EPHA3: variants seen among roughly 807,000 people sequenced by gnomAD.
EPHA3 encodes the protein EPH receptor A3, also known as ephrin type-A receptor 3.
A neutral mutation model predicts 107.1 loss-of-function variants in EPHA3; 42 were observed. That is an observed-to-expected ratio of 0.39 (90% CI 0.31 to 0.51). The LOEUF (loss-of-function observed/expected upper bound fraction) is 0.51. EPHA3 is among the 20% of genes least tolerant of loss of function. The pLI is 0.78. For missense variants in EPHA3, 1,183 were observed against 1,211.2 expected, an observed-to-expected ratio of 0.98 and a Z score of 0.35; for synonymous variants, 461 against 424.8, an observed-to-expected ratio of 1.09 and a Z score of -1.05.
intron 5 of EPHA3, among the ~76,000 whole-genome samples, chr3:89,345,231 G>A (rs1283953767): frequency 1.3e-5 from 2 of 151,252 alleles, no homozygotes; most frequent in African/African-American, 4.8e-5. Context: ...TGGCCTTGGG[G>A]TTTGGAGGTC....
At chr3:89,177,642 T>G (rs1447547523) in intron 2 of EPHA3, among the ~76,000 whole-genome samples, 3 of 152,206 alleles carry the variant, frequency 2.0e-5, no homozygotes, top group Admixed American at 1.3e-4. Context: ...CCACTCAAAT[T>G]GCCAGAAAAT....
rs752119882 is a variant in EPHA3 at position 89,472,624 on chromosome 3, G to GA, written c.2846+14dup. 1.9e-4 allele frequency: 305 copies of GA among 1,578,186 alleles called. No homozygotes were observed. Among genetic ancestry groups the GA allele is most frequent in the Middle Eastern group, 8.5e-4 (5 of 5,906 alleles). ...AATAGCCAAGATTTCCACAGAGTAA[G>GA]AAAAAAAAATTCATTAAGAAGAATG... is the stretch of plus-strand genomic sequence containing the variant. On this transcript the variant is annotated splice_donor_region_variant and intron_variant, in intron 16 of 16. Coordinates refer to ENST00000336596, the MANE Select transcript of EPHA3 (RefSeq NM_005233.6).
chr3:89,129,852 C>G (rs1245498434), intron 2 of EPHA3, among the ~76,000 whole-genome samples: 7 of 151,836 alleles, frequency 4.6e-5, no homozygotes, highest in South Asian at 2.1e-4. Context: ...AAAAAAAAGA[C>G]AAGTAATAGC....
chr3:89,286,452 G>C (rs1192514478), intron 3 of EPHA3, among the ~76,000 whole-genome samples: 2 of 152,082 alleles, frequency 1.3e-5, no homozygotes, highest in African/African-American at 4.8e-5. Flanking sequence ...CGAAAGCAGG[G>C]AGACCAATTA....
chr3:89,477,314 G>A (rs1291686392), intron 16 of EPHA3, among the ~76,000 whole-genome samples: 1 of 152,126 alleles, frequency 6.6e-6, no homozygotes, highest in Admixed American at 6.6e-5. Context: ...CTAAGGCAAG[G>A]CACAAGCTCT....
intron 16 of EPHA3, among the ~76,000 whole-genome samples, chr3:89,476,517 A>G (rs1481439907): frequency 1.4e-5 from 2 of 139,844 alleles, no homozygotes; most frequent in Non-Finnish European, 3.2e-5. Flanking sequence ...ATATATAAAT[A>G]TTATATATAT....
intron 2 of EPHA3, among the ~76,000 whole-genome samples, chr3:89,161,665 C>T (rs1443101827): frequency 2.0e-5 from 3 of 151,858 alleles, no homozygotes; most frequent in Non-Finnish European, 4.4e-5. Context: ...TGTGAATATC[C>T]TATAATTTTT....
At chr3:89,374,656 A>T (rs570853120) in intron 5 of EPHA3, among the ~76,000 whole-genome samples, 48 of 151,752 alleles carry the variant, frequency 3.2e-4, no homozygotes, top group African/African-American at 1.0e-3. Context: ...TTTTAGAAAA[A>T]TCCCATTGGT....
intron 12 of EPHA3, 54 bp from the exon 13 acceptor site, chr3:89,431,096 A>G: frequency 6.4e-7 from 1 of 1,555,702 alleles, no homozygotes; most frequent in East Asian, 2.3e-5. Flanking sequence ...CAATAAAGAT[A>G]TATCTTTAAG....
chr3:89,140,485 T>C (rs1292186864), intron 2 of EPHA3, among the ~76,000 whole-genome samples: 1 of 151,778 alleles, frequency 6.6e-6, no homozygotes, highest in Non-Finnish European at 1.5e-5. Flanking sequence ...TCAAAATAAT[T>C]GGATAATATA....
chr3:89,418,009 T>C (rs1421098876), intron 10 of EPHA3, among the ~76,000 whole-genome samples: 1 of 151,242 alleles, frequency 6.6e-6, no homozygotes, highest in African/African-American at 2.4e-5. Context: ...GGCAAATCAA[T>C]AGGACAACCT....
intron 7 of EPHA3, among the ~76,000 whole-genome samples, chr3:89,406,311 A>T (rs1051550187): frequency 2.1e-4 from 32 of 152,288 alleles, no homozygotes; most frequent in African/African-American, 7.7e-4. Flanking sequence ...CCACTCCGGA[A>T]TGACTGAATC....
intron 3 of EPHA3, among the ~76,000 whole-genome samples, chr3:89,303,405 GA>G (rs1169909349): frequency 1.6e-5 from 2 of 125,202 alleles, no homozygotes; most frequent in Non-Finnish European, 3.4e-5. Context: ...TAATTCAAAA[GA>G]AAGATCTTAA....
At chr3:89,118,267 T>C (rs1182780276) in intron 1 of EPHA3, among the ~76,000 whole-genome samples, 1 of 152,028 alleles carries the variant, frequency 6.6e-6, no homozygotes, top group Non-Finnish European at 1.5e-5. Context: ...TTCATCTGGC[T>C]AAACTAGTTA....
intron 2 of EPHA3, among the ~76,000 whole-genome samples, chr3:89,157,576 C>A (rs1002420622): frequency 3.3e-5 from 5 of 152,026 alleles, no homozygotes; most frequent in East Asian, 2.0e-4. Context: ...ATCTAAATAA[C>A]CCTGCTGCTC....
At chr3:89,392,562 G>A (rs2107500271) in intron 5 of EPHA3, among the ~76,000 whole-genome samples, 2 of 151,964 alleles carry the variant, frequency 1.3e-5, no homozygotes, top group Admixed American at 1.3e-4. Context: ...GTAGCTCTCA[G>A]CATTTTTCCA....
intron 5 of EPHA3, among the ~76,000 whole-genome samples, chr3:89,386,969 C>T (rs772591728): frequency 3.3e-5 from 5 of 152,172 alleles, no homozygotes; most frequent in Non-Finnish European, 7.3e-5. Context: ...TAGCCAATGG[C>T]CGTACCCTCA....
intron 1 of EPHA3, among the ~76,000 whole-genome samples, chr3:89,120,163 A>G (rs1459910454): frequency 6.6e-6 from 1 of 152,178 alleles, no homozygotes. Context: ...TAATTGAGTA[A>G]TATGTTTTCA....
chr3:89,238,875 G>T (rs1253040171), intron 3 of EPHA3, among the ~76,000 whole-genome samples: 2 of 152,108 alleles, frequency 1.3e-5, no homozygotes, highest in African/African-American at 4.8e-5. Context: ...ATTTTAGGGG[G>T]AAAGAAAGCT....
Sources: gnomAD v4.1 joint callset for allele counts (sites outside exome capture counted in the v4.1 genomes callset) on GRCh38, gnomAD v4.1.1 for gene constraint, MANE v1.5 for transcripts, NCBI Gene and HGNC (gene_info 2026-07-23, HGNC 2026-07-21) for gene names.